The following MST1 variants were observed in gnomAD, a reference collection of about 807,000 sequenced individuals.
MST1 encodes macrophage stimulating 1, also known as hepatocyte growth factor-like protein.
MST1 carries 76 observed loss-of-function variants against 100.1 expected under a neutral mutation model. That is an observed-to-expected ratio of 0.76 (90% CI 0.63 to 0.92). MST1 has a LOEUF of 0.92. Ranked by LOEUF, MST1 falls within the 40% of genes least tolerant of loss-of-function variation. The pLI, the probability that MST1 is intolerant of heterozygous loss-of-function variation, is 0.00. For missense variants in MST1, 850 were observed against 990.0 expected (o/e 0.86, Z 1.90); for synonymous variants, 352 against 385.4 (o/e 0.91, Z 1.01).
chr3:49,684,932 C>A, intron 14 of MST1, 48 bp from the exon 15 acceptor site: 1 of 1,613,526 alleles, frequency 6.2e-7, no homozygotes, highest in Non-Finnish European at 8.5e-7. Flanking sequence ...AGTCCATTGC[C>A]CCAAGGCTCA....
chr3:49,685,388 G>C lies in MST1; in HGVS notation c.1424-6C>G, dbSNP rs2053627311. On this transcript the variant is annotated splice_polypyrimidine_tract_variant and splice_region_variant and intron_variant, in intron 12 of 17. Transcript: ENST00000449682. ...CTTCTCAAACTGCACCTGGTCTGTA[G>C]GATGGGGTGGGCTGGATGAAACCCA... 6.2e-7 allele frequency: 1 copy of C among 1,613,606 alleles called. No homozygotes were observed. Among genetic ancestry groups the C allele is most frequent in the African/African-American group, 1.3e-5 (1 of 74,944 alleles).
chr3:49,685,253 G>A lies in MST1; in HGVS notation c.1544+9C>T, dbSNP rs1285858334. 6.2e-7 allele frequency: 1 copy of A among 1,612,946 alleles called. No individual in the cohort carries two copies. Among genetic ancestry groups the A allele is most frequent in the Non-Finnish European group, 8.5e-7 (1 of 1,179,746 alleles). The stretch of plus-strand genomic sequence containing the variant: ...TCCTCTCTGTGGGAGACAGGCAGTT[G>A]TGCCTCACCGATTCCGCAAGCTGAC... On this transcript the variant is annotated intron_variant, in intron 13 of 17. Transcript: ENST00000449682.
intron 7 of MST1, 50 bp downstream of exon 7, chr3:49,686,634 C>T: frequency 6.5e-7 from 1 of 1,549,130 alleles, no homozygotes; most frequent in Non-Finnish European, 8.7e-7. Context: ...AAGCCACGCC[C>T]CTCCCCAAGG....
chr3:49,687,098 T>G (rs764186231), intron 5 of MST1, 31 bp from the exon 6 acceptor site: 3 of 1,612,740 alleles, frequency 1.9e-6, no homozygotes, highest in Non-Finnish European at 2.5e-6. Context: ...GGTTCGTGGA[T>G]GGACGTGGGC....
chr3:49,686,786 GACCTTGGTCGAGGA>G lies in MST1; in HGVS notation c.731_744del (p.Phe244SerfsTer10). 6.2e-7 allele frequency: 1 copy of G among 1,612,174 alleles called. No individual in the cohort carries two copies. The highest frequency in any genetic ancestry group is 8.5e-7 in the Non-Finnish European group (1 of 1,179,752). On this transcript the variant is annotated frameshift_variant and splice_region_variant, in exon 7 of 18. Transcript: ENST00000449682. LOFTEE classifies it high-confidence loss of function. ...GGATTCCGGCAATAGTTGTCGTCCAGACCTTGGTCGAGGAACCTGGGGGCGGTAATGGGGCGTGA... is the reference window on the plus strand; with the variant it reads ...GGATTCCGGCAATAGTTGTCGTCCAGACCTGGGGGCGGTAATGGGGCGTGA...
At chr3:49,685,538 G>A in intron 11 of MST1, 32 bp from the exon 12 acceptor site, 1 of 1,613,398 alleles carries the variant, frequency 6.2e-7, no homozygotes, top group South Asian at 1.1e-5. Flanking sequence ...GGTTAAGGGA[G>A]CCAGCCTTTG....
chr3:49,688,531 C>A lies in MST1; in HGVS notation c.94+67G>T, dbSNP rs1413806654. On this transcript the variant is annotated intron_variant, in intron 1 of 17. Transcript: ENST00000449682. ...CTGGCTCCCCGACTTTTTTCTCATC[C>A]TAGAATAGGAGAATGGGGCCAACCC... The A allele has an allele frequency of 3.2e-6, 5 of 1,585,784 alleles. No homozygotes were observed. In the East Asian group the frequency reaches 1.1e-4, roughly 36 times the overall value.
Position 49,685,466 on chromosome 3 carries a change from C to T in MST1, c.1423+5G>A, listed in dbSNP as rs2053639633. The T allele has an allele frequency of 1.2e-6, 2 of 1,613,738 alleles. No homozygotes were observed. Among genetic ancestry groups the T allele is most frequent in the Non-Finnish European group, 1.7e-6 (2 of 1,179,862 alleles). ...GCCTGACCCATAACTGGCCCAACTCCTAACCTGGGGGGTCCAGGATTGATG... is the reference window on the plus strand; with the variant it reads ...GCCTGACCCATAACTGGCCCAACTCTTAACCTGGGGGGTCCAGGATTGATG... On this transcript the variant is annotated splice_donor_5th_base_variant and intron_variant, in intron 12 of 17. Coordinates refer to ENST00000449682, the MANE Select transcript of MST1 (RefSeq NM_020998.4).
rs368191700 is a variant in MST1, at chr3:49,684,077, C to A, written c.2129G>T (p.Arg710Leu). The change falls in exon 18 of 18, where the codon CGT (arginine) becomes CTT (leucine). Residue 710 changes from arginine to leucine, a missense_variant. By Grantham distance (102) the Arg-to-Leu change is moderately radical. Coordinates refer to ENST00000449682, the MANE Select transcript of MST1 (RefSeq NM_020998.4). Reference protein sequence around the residue: ...ARSRWPAVFTRVSVFVDWIHK... With the variant: ...ARSRWPAVFTLVSVFVDWIHK... The stretch of plus-strand genomic sequence containing the variant: ...AATCCAGTCCACAAACACAGAGACA[C>A]GCGTGAAGACAGCTGGCCAGCGGGA... The A allele has an allele frequency of 1.9e-6, 3 of 1,613,564 alleles. No homozygotes were observed. The highest frequency in any genetic ancestry group is 2.5e-6 in the Non-Finnish European group (3 of 1,179,862).
intron 8 of MST1, 39 bp from the exon 9 acceptor site, chr3:49,686,231 C>A (rs774798368): frequency 4.3e-6 from 7 of 1,610,566 alleles, no homozygotes; most frequent in Admixed American, 3.3e-5. Flanking sequence ...CCGCCAGCCT[C>A]CAGCCTTGAG....
chr3:49,687,642 T>G lies in MST1; in HGVS notation c.269A>C (p.His90Pro), dbSNP rs754748011. Residue 90 changes from histidine (H) to proline (P), a missense_variant, in exon 3 of 18, where the codon CAT (histidine) becomes CCT (proline). Coordinates refer to ENST00000449682, the MANE Select transcript of MST1 (RefSeq NM_020998.4). Reference sequence around the variant, plus strand: ...AGTCCATGGCAGCAGTTGGCAACCATGGCTGCTCACGTTGTAGTGGAAGGC... The same window carrying G: ...AGTCCATGGCAGCAGTTGGCAACCAGGGCTGCTCACGTTGTAGTGGAAGGC... ...CRAFHYNVSS[H>P]GCQLLPWTQH... The G allele has an allele frequency of 3.1e-6, 5 of 1,613,514 alleles. No individual in the cohort carries two copies. The South Asian group carries it at 5.5e-5, about 18-fold the overall frequency.
chr3:49,684,597 A>G lies in MST1; in HGVS notation c.1829T>C (p.Val610Ala). 1 of 1,613,764 alleles carries G rather than the reference A, an allele frequency of 6.2e-7. No homozygotes were observed. Among genetic ancestry groups the G allele is most frequent in the Non-Finnish European group, 8.5e-7 (1 of 1,179,862 alleles). ...AATCTCACACTTGGTCCCTGGAGGC[A>G]CCACATACCATTCAGGGGGCAGGCA... The part of the protein sequence containing the change: ...LICLPPEWYV[V>A]PPGTKCEIAG... The change falls in exon 16 of 18, where the codon GTG becomes GCG. Residue 610 changes from valine (V) to alanine (A), a missense_variant. By Grantham distance (64) the Val-to-Ala change is moderately conservative. Transcript: ENST00000449682.
In MST1 at chr3:49,684,326, C is replaced by A; in HGVS notation, c.2004G>T (p.Val668=). The A allele has an allele frequency of 6.2e-7, 1 of 1,613,098 alleles. No individual in the cohort carries two copies. The highest frequency in any genetic ancestry group is 1.1e-5 in the South Asian group (1 of 91,078). ...EMCTEGLLAP[V]GACEGDYGGP... ...CCCTGCCACCAACCTCACAGGCCCC[C>A]ACAGGGGCCAACAGTCCCTCAGTGC... The change falls in exon 17 of 18, where the codon GTG becomes GTT. Residue 668 remains valine, a synonymous_variant. Coordinates refer to ENST00000449682, the MANE Select transcript of MST1 (RefSeq NM_020998.4).
Position 49,684,742 on chromosome 3 carries a change from C to T in MST1, c.1765G>A (p.Glu589Lys), listed in dbSNP as rs761248104. The T allele has an allele frequency of 6.5e-5, 105 of 1,613,264 alleles. No homozygotes were observed. Among genetic ancestry groups the T allele is most frequent in the Non-Finnish European group, 8.1e-5 (96 of 1,179,764 alleles). Residue 589 changes from glutamate (E) to lysine (K), a missense_variant, in exon 15 of 18, where the codon GAG becomes AAG. Around this residue, in one of 2 missense-constraint regions of MST1, gnomAD observed 816 missense variants for 924.6 expected, o/e 0.88. Coordinates refer to ENST00000449682, the MANE Select transcript of MST1 (RefSeq NM_020998.4). The part of the protein sequence containing the change: ...SGSQLVLLKL[E>K]RSVTLNQRVA... ...CCTCCCAGGTTGTCCACATACCTCT[C>T]CAGCTTGAGCAGGACAAGCTGGGAG...
At chr3:49,685,450 A>G (rs377757884) in intron 12 of MST1, 21 bp downstream of exon 12, 308 of 1,613,580 alleles carry the variant, frequency 1.9e-4, no homozygotes, top group Non-Finnish European at 2.4e-4. Context: ...GGCCTGACCC[A>G]TAACTGGCCC....
At position 49,685,125 on chromosome 3, in the gene MST1, C is replaced by G. The variant is rs775570550; in HGVS notation, c.1545-36G>C. On this transcript the variant is annotated intron_variant, in intron 13 of 17. Transcript: ENST00000449682. Reference sequence around the variant, plus strand: ...GGGGAATTAGGACAGGTAACAGACTCCTGGGACAGATGCTAGACCTGCCAT... The same window carrying G: ...GGGGAATTAGGACAGGTAACAGACTGCTGGGACAGATGCTAGACCTGCCAT... 2.1e-5 allele frequency: 34 copies of G among 1,603,944 alleles called. No homozygotes were observed. In the South Asian group the frequency reaches 3.7e-4, roughly 17 times the overall value.
chr3:49,687,021 G>A lies in MST1; in HGVS notation c.654C>T (p.Asp218=). The change falls in exon 6 of 18, where the codon GAC becomes GAT. Residue 218 remains aspartate (D), a synonymous_variant. Coordinates refer to ENST00000449682, the MANE Select transcript of MST1 (RefSeq NM_020998.4). ...GGCACTCGCGCCCTGACTCCGTGCGGTCTACCGCGCCGCGGTATTCCTCGC... is the reference window on the plus strand; with the variant it reads ...GGCACTCGCGCCCTGACTCCGTGCGATCTACCGCGCCGCGGTATTCCTCGC... ...CNGEEYRGAV[D]RTESGRECQR... 6.2e-7 allele frequency: 1 copy of A among 1,611,562 alleles called. No homozygotes were observed.
rs775711014 is a variant in MST1, at chr3:49,684,111, A to G, written c.2095T>C (p.Cys699Arg). The change falls in exon 18 of 18, where the codon TGC becomes CGC. Residue 699 changes from cysteine to arginine, a missense_variant. This residue lies in a region of MST1 where 816 missense variants were observed against 924.6 expected (regional missense o/e 0.88). Transcript: ENST00000449682. ...ACAGCTGGCCAGCGGGACCTTGCGC[A>G]TACTCGGTTGGGGATTATAATTCCT... ...LEGIIIPNRV[C>R]ARSRWPAVFT... 3 of 1,613,670 alleles carry G rather than the reference A, an allele frequency of 1.9e-6. No individual in the cohort carries two copies. The highest frequency in any genetic ancestry group is 2.2e-5 in the South Asian group (2 of 91,080).
Position 49,684,307 on chromosome 3 carries a change from C to T in MST1, c.2016+7G>A, listed in dbSNP as rs748213082. 4 of 1,612,912 alleles carry T rather than the reference C, an allele frequency of 2.5e-6. No individual in the cohort carries two copies. In the South Asian group the frequency reaches 3.3e-5, roughly 13 times the overall value. On this transcript the variant is annotated splice_region_variant and intron_variant, in intron 17 of 17. Coordinates refer to ENST00000449682, the MANE Select transcript of MST1 (RefSeq NM_020998.4). Reference sequence around the variant, plus strand: ...TTCCAGGGCTGGCCCAGGGCCCTGCCACCAACCTCACAGGCCCCCACAGGG... The same window carrying T: ...TTCCAGGGCTGGCCCAGGGCCCTGCTACCAACCTCACAGGCCCCCACAGGG...
Sources: allele counts gnomAD v4.1 joint callset, GRCh38; gene constraint gnomAD v4.1.1; regional missense constraint gnomAD v4.1.1; transcripts MANE v1.5; gene names NCBI Gene and HGNC (gene_info 2026-07-23, HGNC 2026-07-21).